TAF4B: variants seen among roughly 807,000 people sequenced by gnomAD.
TAF4B encodes the protein transcription initiation factor TFIID subunit 4B.
In TAF4B, 38 loss-of-function variants were observed where a neutral mutation model predicts 86.4. That is an observed-to-expected ratio of 0.44 (90% CI 0.34 to 0.58). The LOEUF (loss-of-function observed/expected upper bound fraction) is 0.58, where lower values mean the gene tolerates loss of function less well. Among genes scored for constraint, TAF4B ranks in the 20% least tolerant of loss-of-function variants. TAF4B has a pLI of 0.02. For synonymous variants in TAF4B, 388 were observed against 391.2 expected, an observed-to-expected ratio of 0.99 and a Z score of 0.10; for missense variants, 988 against 1,027.6, an observed-to-expected ratio of 0.96 and a Z score of 0.53.
chr18:26,302,085 A>G (rs547428688), intron 9 of TAF4B, among the ~76,000 whole-genome samples: 1 of 152,270 alleles, frequency 6.6e-6, no homozygotes, highest in East Asian at 1.9e-4. Flanking sequence ...TGTCCTCAAA[A>G]CAATTGTCTG....
intron 13 of TAF4B, among the ~76,000 whole-genome samples, chr18:26,342,449 C>T (rs951599789): frequency 6.6e-6 from 1 of 152,140 alleles, no homozygotes; most frequent in East Asian, 1.9e-4. Flanking sequence ...TCTGATTCTG[C>T]TTAATCTTTT....
intron 9 of TAF4B, among the ~76,000 whole-genome samples, chr18:26,305,202 T>G (rs1358023608): frequency 6.6e-6 from 1 of 152,204 alleles, no homozygotes. Context: ...AATACAGATA[T>G]TTACCTTTAT....
chr18:26,355,824 A>T (rs2057284574), intron 13 of TAF4B, among the ~76,000 whole-genome samples: 2 of 152,302 alleles, frequency 1.3e-5, no homozygotes, highest in South Asian at 4.1e-4. Flanking sequence ...GAAGTTCTGA[A>T]TTGTGGCAGC....
intron 9 of TAF4B, among the ~76,000 whole-genome samples, chr18:26,309,598 AT>A (rs1350219811): frequency 6.6e-6 from 1 of 152,074 alleles, no homozygotes; most frequent in East Asian, 1.9e-4. Flanking sequence ...CTATTTTTAA[AT>A]TTTGATATGT....
rs1978672407 is a variant in TAF4B, at chr18:26,390,948, T to C, written c.*936T>C. ...CAAAAGGAAAATGTTATTTTTTGTT[T>C]TGTATTGTTTTAAATCCCAAGGATA... On this transcript the variant is annotated 3_prime_UTR_variant, in exon 15 of 15. Transcript: ENST00000269142. The C allele has an allele frequency of 6.6e-6, 1 of 152,240 alleles. No homozygotes were observed. Among genetic ancestry groups the C allele is most frequent in the Admixed American group, 6.5e-5 (1 of 15,284 alleles). The allele number at this position is 152,240 out of a possible 1,614,324, so 9.4% of individuals were successfully genotyped here. A position where few individuals can be genotyped will look rare whatever the true frequency, so the allele number is the denominator to read the frequency against.
intron 14 of TAF4B, among the ~76,000 whole-genome samples, chr18:26,385,694 T>C (rs1016850021): frequency 1.5e-5 from 2 of 134,730 alleles, no homozygotes; most frequent in African/African-American, 5.8e-5. Flanking sequence ...TTTTTTTTTT[T>C]CTTCTTCTTC....
At chr18:26,237,425 A>G (rs796508348) in intron 1 of TAF4B, among the ~76,000 whole-genome samples, 3 of 152,288 alleles carry the variant, frequency 2.0e-5, no homozygotes, top group African/African-American at 7.2e-5. Context: ...AGGGACATGT[A>G]TCCAGGTTGG....
At chr18:26,334,786 G>C (rs1452692934) in intron 12 of TAF4B, among the ~76,000 whole-genome samples, 1 of 152,052 alleles carries the variant, frequency 6.6e-6, no homozygotes, top group Non-Finnish European at 1.5e-5. Context: ...TTCCCAAATG[G>C]CTTCACCTGA....
intron 14 of TAF4B, among the ~76,000 whole-genome samples, chr18:26,368,642 AAAT>A (rs2057386705): frequency 6.6e-6 from 1 of 152,190 alleles, no homozygotes; most frequent in Non-Finnish European, 1.5e-5. Context: ...CTCTTTTTAT[AAAT>A]GTATAGATTC....
chr18:26,317,963 T>G (rs2056928747), intron 10 of TAF4B, among the ~76,000 whole-genome samples: 1 of 152,242 alleles, frequency 6.6e-6, no homozygotes, highest in Non-Finnish European at 1.5e-5. Context: ...TTTGGCTTGT[T>G]GGCCATAGTT....
chr18:26,276,800 C>T (rs1336247315), intron 5 of TAF4B, among the ~76,000 whole-genome samples: 1 of 152,104 alleles, frequency 6.6e-6, no homozygotes, highest in African/African-American at 2.4e-5. Context: ...AAATGGAATA[C>T]TCTAGATGAA....
At chr18:26,311,037 A>G (rs2056849259) in intron 9 of TAF4B, among the ~76,000 whole-genome samples, 1 of 152,160 alleles carries the variant, frequency 6.6e-6, no homozygotes, top group African/African-American at 2.4e-5. Context: ...ATTTTTAACA[A>G]AGTTCCATAA....
At chr18:26,341,925 T>A (rs572179662) in intron 13 of TAF4B, among the ~76,000 whole-genome samples, 3 of 152,288 alleles carry the variant, frequency 2.0e-5, no homozygotes, top group African/African-American at 7.2e-5. Context: ...TTGTTTTGTT[T>A]ATTTTAGCAT....
chr18:26,275,330 A>G (rs970172222), intron 5 of TAF4B, among the ~76,000 whole-genome samples: 1 of 151,838 alleles, frequency 6.6e-6, no homozygotes. Flanking sequence ...TAATTTTTGT[A>G]TTTTTAGTAG....
intron 14 of TAF4B, among the ~76,000 whole-genome samples, chr18:26,371,987 G>C (rs1165407483): frequency 6.6e-6 from 1 of 152,156 alleles, no homozygotes; most frequent in African/African-American, 2.4e-5. Context: ...GGGGCTCAAT[G>C]TATAGGAAAT....
chr18:26,378,989 TC>T (rs2057460699), intron 14 of TAF4B, among the ~76,000 whole-genome samples: 1 of 152,166 alleles, frequency 6.6e-6, no homozygotes, highest in African/African-American at 2.4e-5. Context: ...AGGTGCTTTA[TC>T]CATATAAAGC....
In TAF4B at chr18:26,229,794, C is replaced by T. The variant is rs115744489; in HGVS notation, c.343+2518C>T. 7.7e-3 allele frequency among the ~76,000 whole-genome samples: 1,173 copies of T among 152,198 alleles called. 14 individuals carry two copies. Among genetic ancestry groups the T allele is most frequent in the African/African-American group, 0.027 (1,122 of 41,530 alleles). On this transcript the variant is annotated intron_variant, in intron 1 of 14. Coordinates refer to ENST00000269142, the MANE Select transcript of TAF4B (RefSeq NM_005640.3). ...CTGGGATTACAGGCGTTAGCCACTG[C>T]GCTGGCCTGAATCTTGTACTATTTC...
chr18:26,322,744 C>T (rs1249813179), intron 11 of TAF4B, among the ~76,000 whole-genome samples: 2 of 151,828 alleles, frequency 1.3e-5, no homozygotes, highest in Non-Finnish European at 2.9e-5. Context: ...CGTGTATCTC[C>T]ACTCTAGTTT....
intron 14 of TAF4B, among the ~76,000 whole-genome samples, chr18:26,383,519 G>A (rs556893952): frequency 2.6e-5 from 4 of 152,118 alleles, no homozygotes; most frequent in Non-Finnish European, 5.9e-5. Flanking sequence ...GTAGAATTTG[G>A]GATACTTATA....
Sources: allele counts gnomAD v4.1 joint callset (sites outside exome capture counted in the v4.1 genomes callset), GRCh38; gene constraint gnomAD v4.1.1; transcripts MANE v1.5; gene names NCBI Gene and HGNC (gene_info 2026-07-23, HGNC 2026-07-21).